The following SDK1 variants were observed in gnomAD, a reference collection of about 807,000 sequenced individuals.
SDK1 encodes the protein sidekick cell adhesion molecule 1.
A neutral mutation model predicts 245.5 loss-of-function variants in SDK1; 157 were observed. The observed-to-expected ratio is 0.64, with a 90% CI of 0.56 to 0.73. The LOEUF is 0.73. SDK1 is among the 30% of genes least tolerant of loss of function. SDK1 has a pLI of 0.00. For synonymous variants in SDK1, 1,647 were observed against 1,278.5 expected (o/e 1.29, Z -6.15); for missense variants, 3,583 against 3,002.3 (o/e 1.19, Z -4.52).
intron 1 of SDK1, among the ~76,000 whole-genome samples, chr7:3,611,921 A>G (rs1781606973): frequency 6.6e-6 from 1 of 152,184 alleles, no homozygotes; most frequent in Non-Finnish European, 1.5e-5. Flanking sequence ...TCAGCTCTGA[A>G]AAGGAGTGAA....
intron 22 of SDK1, among the ~76,000 whole-genome samples, chr7:4,081,460 G>A (rs1044833947): frequency 2.7e-5 from 4 of 150,880 alleles, no homozygotes; most frequent in Admixed American, 6.6e-5. Context: ...TTGCTCTGTC[G>A]CCAAGCTGGA....
At chr7:3,985,465 G>A (rs952341663) in intron 13 of SDK1, among the ~76,000 whole-genome samples, 1 of 152,170 alleles carries the variant, frequency 6.6e-6, no homozygotes, top group Non-Finnish European at 1.5e-5. Context: ...CTCTAATGGA[G>A]ATTCGGTTAT....
At chr7:4,009,430 C>G (rs1029215647) in intron 14 of SDK1, among the ~76,000 whole-genome samples, 5 of 152,190 alleles carry the variant, frequency 3.3e-5, no homozygotes, top group Non-Finnish European at 7.3e-5. Flanking sequence ...CTGCATGATA[C>G]AAGTGGAAGG....
chr7:3,776,849 G>A (rs749158096), intron 4 of SDK1, among the ~76,000 whole-genome samples: 2 of 152,130 alleles, frequency 1.3e-5, no homozygotes, highest in East Asian at 1.9e-4. Flanking sequence ...ATGTCAGTCA[G>A]TAGTCTTGCA....
intron 5 of SDK1, among the ~76,000 whole-genome samples, chr7:3,901,256 A>G (rs1276254803): frequency 6.6e-6 from 1 of 151,320 alleles, no homozygotes; most frequent in East Asian, 1.9e-4. Flanking sequence ...GCACGATCTC[A>G]GCTCACTGCA....
chr7:3,957,149 G>A (rs1359009563), intron 7 of SDK1, among the ~76,000 whole-genome samples: 1 of 152,160 alleles, frequency 6.6e-6, no homozygotes, highest in Non-Finnish European at 1.5e-5. Context: ...AACAGAGAAC[G>A]GATTAGTGGT....
In SDK1 at chr7:4,266,374, T is replaced by C. The variant is rs972672701; in HGVS notation, c.*990T>C. The C allele has an allele frequency of 1.0e-6, 1 of 985,256 alleles. No individual in the cohort carries two copies. Among genetic ancestry groups the C allele is most frequent in the African/African-American group, 1.7e-5 (1 of 57,204 alleles). 61.0% of individuals were successfully genotyped at this position (985,256 alleles called of 1,614,324 possible). On this transcript the variant is annotated 3_prime_UTR_variant, in exon 45 of 45. Coordinates refer to ENST00000404826, the MANE Select transcript of SDK1 (RefSeq NM_152744.4). ...ACATGGGAAAGATGAAAAGCAACAG[T>C]GTCTGCAAATAAAGCAAAACAGCTC...
chr7:4,175,186 G>C (rs1442005710), intron 33 of SDK1, among the ~76,000 whole-genome samples: 3 of 152,206 alleles, frequency 2.0e-5, no homozygotes, highest in African/African-American at 7.2e-5. Context: ...TACAGCGCCA[G>C]GCATGATGTT....
intron 5 of SDK1, among the ~76,000 whole-genome samples, chr7:3,824,286 A>G (rs994248936): frequency 3.3e-5 from 5 of 152,236 alleles, no homozygotes; most frequent in African/African-American, 1.2e-4. Context: ...GAAACACCAC[A>G]CAAGATTGAG....
chr7:3,462,343 G>A lies in SDK1; in HGVS notation c.299-156737G>A, dbSNP rs187630522. 3.1e-3 allele frequency among the ~76,000 whole-genome samples: 472 copies of A among 152,036 alleles called. 3 individuals are homozygous for A. The highest frequency in any genetic ancestry group is 6.8e-3 in the Middle Eastern group (2 of 294). On this transcript the variant is annotated intron_variant, in intron 1 of 44. Coordinates refer to ENST00000404826, the MANE Select transcript of SDK1 (RefSeq NM_152744.4). ...ATCTTTCTCTCTTCCCCCCTGCCCC[G>A]CCGAGGTTGAGTATCATTATAATAT...
In SDK1 at chr7:4,127,948, G is replaced by A. The variant is rs151208299; in HGVS notation, c.3939+452G>A. Among the ~76,000 whole-genome samples, 403 of 152,326 alleles carry A rather than the reference G, an allele frequency of 2.6e-3. 1 individual carries two copies. The highest frequency in any genetic ancestry group is 9.2e-3 in the African/African-American group (382 of 41,576). Reference sequence around the variant, plus strand: ...GAAGGGCTGGGTGAGGTGGATCGCTGTGTGCATGTTTCTATGTGTGTCATC... The same window carrying A: ...GAAGGGCTGGGTGAGGTGGATCGCTATGTGCATGTTTCTATGTGTGTCATC... On this transcript the variant is annotated intron_variant, in intron 26 of 44. Coordinates refer to ENST00000404826, the MANE Select transcript of SDK1 (RefSeq NM_152744.4).
chr7:3,788,529 G>GTTTC (rs1562443828), intron 4 of SDK1, among the ~76,000 whole-genome samples: 1 of 152,128 alleles, frequency 6.6e-6, no homozygotes, highest in Non-Finnish European at 1.5e-5. Flanking sequence ...TCTGCATGCT[G>GTTTC]TGTGATTCTG....
rs1027599193 is a variant in SDK1 at position 4,265,200 on chromosome 7, A to G, written c.6458A>G (p.Tyr2153Cys). The G allele has an allele frequency of 7.4e-6, 12 of 1,611,778 alleles. No individual in the cohort carries two copies. Among genetic ancestry groups the G allele is most frequent in the Non-Finnish European group, 9.3e-6 (11 of 1,179,592 alleles). ...VNHYMSDPTY[Y>C]NSWKRRAQGR... ...CACTACATGAGCGACCCCACCTACT[A>G]CAACTCATGGAAGCGCAGGGCCCAG... The change falls in exon 45 of 45, where the codon TAC becomes TGC. Residue 2153 changes from tyrosine (Y) to cysteine (C), a missense_variant. Transcript: ENST00000404826.
chr7:4,100,844 G>A (rs1023448910), intron 22 of SDK1, among the ~76,000 whole-genome samples: 6 of 152,192 alleles, frequency 3.9e-5, no homozygotes, highest in African/African-American at 1.4e-4. Context: ...GTGAATTGGA[G>A]TCGGGTGAGA....
rs184797423 is a variant in SDK1, at chr7:3,499,451, A to C, written c.299-119629A>C. Among the ~76,000 whole-genome samples the C allele has an allele frequency of 2.5e-4, 38 of 152,348 alleles. No homozygotes were observed. In the East Asian group the frequency reaches 6.9e-3, roughly 28 times the overall value. On this transcript the variant is annotated intron_variant, in intron 1 of 44. Transcript: ENST00000404826. ...GTAAAGAATAGCAAAGTTGAGCTCC[A>C]AACTACCCAACTTCAGGTTAACAAC...
chr7:3,426,009 G>A (rs1034263825), intron 1 of SDK1, among the ~76,000 whole-genome samples: 1 of 152,174 alleles, frequency 6.6e-6, no homozygotes, highest in African/African-American at 2.4e-5. Context: ...ATACATGGAA[G>A]GATTATAAAA....
At chr7:3,635,391 G>A (rs1304211419) in intron 2 of SDK1, among the ~76,000 whole-genome samples, 3 of 152,154 alleles carry the variant, frequency 2.0e-5, no homozygotes, top group Non-Finnish European at 4.4e-5. Flanking sequence ...TTGTCCAAAT[G>A]TTTTAGTCGC....
chr7:3,371,214 T>G (rs1283648017), intron 1 of SDK1, among the ~76,000 whole-genome samples: 1 of 152,034 alleles, frequency 6.6e-6, no homozygotes, highest in Non-Finnish European at 1.5e-5. Flanking sequence ...CAAGTTCAAA[T>G]CTGAAAGGGA....
At chr7:3,783,451 A>C (rs1260344915) in intron 4 of SDK1, among the ~76,000 whole-genome samples, 2 of 151,516 alleles carry the variant, frequency 1.3e-5, no homozygotes, top group African/African-American at 4.9e-5. Flanking sequence ...TCTTATATAT[A>C]TAGAAAATGC....
Sources: gnomAD v4.1 joint callset for allele counts (sites outside exome capture counted in the v4.1 genomes callset) on GRCh38, gnomAD v4.1.1 for gene constraint, MANE v1.5 for transcripts, NCBI Gene and HGNC (gene_info 2026-07-23, HGNC 2026-07-21) for gene names.